SNX25: variants seen among roughly 807,000 people sequenced by gnomAD.
SNX25 encodes the protein sorting nexin 25, also known as sorting nexin-25.
A neutral mutation model predicts 113.7 loss-of-function variants in SNX25; 62 were observed. That is an observed-to-expected ratio of 0.55 (90% confidence interval 0.44 to 0.67). The LOEUF (loss-of-function observed/expected upper bound fraction) is 0.67. Ranked by LOEUF, SNX25 falls within the 30% of genes least tolerant of loss-of-function variation. The probability of loss-of-function intolerance (pLI) is 0.00; values close to 1 mark genes in which losing one functional copy is unlikely to be tolerated. For missense variants in SNX25, 1,014 were observed against 1,161.0 expected (o/e 0.87, Z 1.84); for synonymous variants, 421 against 436.2 (o/e 0.97, Z 0.43).
At position 185,227,677 on chromosome 4, in the gene SNX25, G is replaced by A. The variant is rs149353704; in HGVS notation, c.429+17422G>A. On this transcript the variant is annotated intron_variant, in intron 1 of 18. Transcript: ENST00000652585. ...GGTTAAATGTGTACAGGTGCCCTTT[G>A]TGCAGGTTTGGGACGGTGGGATTTA... Among the ~76,000 whole-genome samples, 186 of 152,296 alleles carry A rather than the reference G, an allele frequency of 1.2e-3. 1 individual carries two copies. Among genetic ancestry groups the A allele is most frequent in the Non-Finnish European group, 2.3e-3 (158 of 68,036 alleles).
Position 185,332,624 on chromosome 4 carries a change from C to A in SNX25, c.1779C>A (p.Ala593=), listed in dbSNP as rs552365723. 12 of 1,613,322 alleles carry A rather than the reference C, an allele frequency of 7.4e-6. No homozygotes were observed. The highest frequency in any genetic ancestry group is 9.3e-6 in the Non-Finnish European group (11 of 1,179,684). Residue 593 remains alanine, a synonymous_variant, in exon 10 of 19, where the codon GCC becomes GCA. Transcript: ENST00000652585. ...MGPRDEAGEE[A]VDDGTNQINE... ...CAAGAGATGAGGCTGGTGAGGAAGC[C>A]GTGGATGATGGTACCAATCAGATCA...
At chr4:185,285,225 C>A (rs1186565583) in intron 5 of SNX25, among the ~76,000 whole-genome samples, 2 of 152,080 alleles carry the variant, frequency 1.3e-5, no homozygotes, top group Non-Finnish European at 2.9e-5. Flanking sequence ...CTGTCATAAA[C>A]ATCTATTTTC....
chr4:185,229,135 C>CT (rs938127799), intron 1 of SNX25, among the ~76,000 whole-genome samples: 25 of 151,796 alleles, frequency 1.6e-4, no homozygotes, highest in African/African-American at 6.1e-4. Context: ...AGGTGGAACA[C>CT]TAACACTCCT....
At chr4:185,352,672 A>G (rs1313434577) in intron 14 of SNX25, among the ~76,000 whole-genome samples, 1 of 151,998 alleles carries the variant, frequency 6.6e-6, no homozygotes, top group Non-Finnish European at 1.5e-5. Context: ...CTGTTGCTGG[A>G]TTTCTGTGAT....
At position 185,342,117 on chromosome 4, in the gene SNX25, G is replaced by T. The variant is rs759754479; in HGVS notation, c.2187+1G>T. ...GAATTTACACCGGAAACTCAGTGAG[G>T]TATGAATACTCATGAACGCAGTATT... On this transcript the variant is annotated splice_donor_variant, in intron 12 of 18. Transcript: ENST00000652585. LOFTEE classifies it high-confidence loss of function. 6.3e-7 allele frequency: 1 copy of T among 1,586,462 alleles called. No individual in the cohort carries two copies. Among genetic ancestry groups the T allele is most frequent in the South Asian group, 1.2e-5 (1 of 85,536 alleles).
At position 185,323,533 on chromosome 4, in the gene SNX25, A is replaced by G. The variant is rs148867014; in HGVS notation, c.1482A>G (p.Glu494=). The G allele has an allele frequency of 9.8e-4, 1,581 of 1,608,240 alleles. 2 individuals are homozygous for G. The highest frequency in any genetic ancestry group is 1.5e-3 in the Admixed American group (90 of 58,688). The change falls in exon 9 of 19, where the codon GAA becomes GAG. Residue 494 remains glutamate (E), a synonymous_variant. Coordinates refer to ENST00000652585, the MANE Select transcript of SNX25 (RefSeq NM_001378034.2). ...VEHLKNANKN[E]IPQLVGEIYQ... is the part of the protein sequence containing the mutation. The stretch of plus-strand genomic sequence containing the variant: ...TTATCTTCCTGTCTTTTCAGAATGA[A>G]ATTCCACAATTAGTTGGTGAAATTT...
At chr4:185,291,753 T>G (rs1261102745) in intron 6 of SNX25, among the ~76,000 whole-genome samples, 2 of 152,174 alleles carry the variant, frequency 1.3e-5, no homozygotes, top group Admixed American at 6.5e-5. Context: ...GCGTCTCTGT[T>G]TTCTCAACAG....
chr4:185,353,473 C>T lies in SNX25; in HGVS notation c.2467-12C>T. 6.3e-7 allele frequency: 1 copy of T among 1,599,064 alleles called. No homozygotes were observed. Among genetic ancestry groups the T allele is most frequent in the Non-Finnish European group, 8.6e-7 (1 of 1,166,754 alleles). ...AAGTTATCTGCTTCCTATGACTTTG[C>T]TGTATTCCCAGGAGGAGACAGAGGA... On this transcript the variant is annotated splice_polypyrimidine_tract_variant and intron_variant, in intron 14 of 18. Coordinates refer to ENST00000652585, the MANE Select transcript of SNX25 (RefSeq NM_001378034.2).
intron 1 of SNX25, 45 bp from the exon 2 acceptor site, chr4:185,247,249 T>A: frequency 7.7e-7 from 1 of 1,300,420 alleles, no homozygotes; most frequent in Admixed American, 2.3e-5. Flanking sequence ...TTATGTGATT[T>A]ATTCATTCAG....
intron 1 of SNX25, among the ~76,000 whole-genome samples, chr4:185,241,862 G>A (rs1420704800): frequency 2.0e-5 from 3 of 152,144 alleles, no homozygotes; most frequent in Non-Finnish European, 4.4e-5. Flanking sequence ...GCATAATAGA[G>A]TAAGTCTTTG....
intron 11 of SNX25, among the ~76,000 whole-genome samples, chr4:185,369,152 G>A (rs954542448): frequency 6.7e-6 from 1 of 150,052 alleles, no homozygotes; most frequent in African/African-American, 2.4e-5. Context: ...TATTTGACTA[G>A]AGTTTTCTAA....
chr4:185,341,871 T>C, intron 11 of SNX25, 105 bp from the exon 12 acceptor site: 1 of 1,196,116 alleles, frequency 8.4e-7, no homozygotes, highest in South Asian at 1.8e-5. Context: ...TCCTGCAAGG[T>C]ACATCACGGG....
At chr4:185,267,505 C>T (rs1210548131) in intron 5 of SNX25, among the ~76,000 whole-genome samples, 3 of 151,900 alleles carry the variant, frequency 2.0e-5, no homozygotes, top group East Asian at 1.9e-4. Flanking sequence ...CTGAGGTGGG[C>T]GGATCACTTG....
intron 12 of SNX25, among the ~76,000 whole-genome samples, chr4:185,345,488 G>C (rs2095281175): frequency 6.6e-6 from 1 of 152,136 alleles, no homozygotes; most frequent in Admixed American, 6.5e-5. Flanking sequence ...ACAATCTACA[G>C]TTTGCCACTG....
chr4:185,373,021 A>C, downstream of SNX25: 1 of 1,613,328 alleles, frequency 6.2e-7, no homozygotes, highest in Non-Finnish European at 8.5e-7. Flanking sequence ...CATGAGCCCA[A>C]GTGCACCCTG....
intron 1 of SNX25, among the ~76,000 whole-genome samples, chr4:185,244,234 C>T (rs1356480743): frequency 6.6e-6 from 1 of 152,190 alleles, no homozygotes; most frequent in Non-Finnish European, 1.5e-5. Context: ...CCCAGGTGAT[C>T]CACCCGCCTC....
chr4:185,290,811 C>CG (rs1752064246), intron 6 of SNX25, among the ~76,000 whole-genome samples: 1 of 152,112 alleles, frequency 6.6e-6, no homozygotes, highest in Admixed American at 6.6e-5. Context: ...TATTCAAGTG[C>CG]GGAAGTTGAG....
chr4:185,377,823 GCTTT>G, the SNX25 span: 4 of 354,058 alleles, frequency 1.1e-5, no homozygotes, highest in African/African-American at 2.1e-5. Context: ...CGTGACATCT[GCTTT>G]CTGTTTTCTA....
At chr4:185,345,677 G>A (rs574898051) in intron 12 of SNX25, among the ~76,000 whole-genome samples, 3 of 151,908 alleles carry the variant, frequency 2.0e-5, no homozygotes, top group Admixed American at 6.6e-5. Context: ...TGTAGTCCCA[G>A]CTACTTGGGA....
Sources: gnomAD v4.1 joint callset for allele counts (sites outside exome capture counted in the v4.1 genomes callset) on GRCh38, gnomAD v4.1.1 for gene constraint, MANE v1.5 for transcripts, NCBI Gene and HGNC (gene_info 2026-07-23, HGNC 2026-07-21) for gene names.